The following CD72 variants were observed in gnomAD, a reference collection of about 807,000 sequenced individuals.
The protein encoded by CD72 is CD72 molecule, also known as B-cell differentiation antigen CD72.
A neutral mutation model predicts 50.7 loss-of-function variants in CD72; 28 were observed. That is an observed-to-expected ratio of 0.55 (90% CI 0.41 to 0.76). The LOEUF (loss-of-function observed/expected upper bound fraction) is 0.76. CD72 is among the 30% of genes least tolerant of loss of function. The probability of loss-of-function intolerance (pLI) is 0.00; values close to 1 mark genes in which losing one functional copy is unlikely to be tolerated. For synonymous variants in CD72, 176 were observed against 171.2 expected (o/e 1.03, Z -0.22); for missense variants, 403 against 420.6 (o/e 0.96, Z 0.37).
intron 1 of CD72, among the ~76,000 whole-genome samples, chr9:35,641,928 A>C (rs1380262070): frequency 6.6e-6 from 1 of 152,190 alleles, no homozygotes; most frequent in Non-Finnish European, 1.5e-5. Context: ...CTGCATGGGC[A>C]TGGAGGACTA....
intron 7 of CD72, 44 bp downstream of exon 7, chr9:35,611,760 G>A: frequency 1.0e-6 from 1 of 994,550 alleles, no homozygotes; most frequent in Non-Finnish European, 1.6e-6. Flanking sequence ...CTTTATGGAG[G>A]GGATTATGGA....
intron 2 of CD72, among the ~76,000 whole-genome samples, chr9:35,617,548 A>C (rs1823085291): frequency 6.6e-6 from 1 of 151,148 alleles, no homozygotes; most frequent in African/African-American, 2.4e-5. Context: ...CTTTGCTCTC[A>C]TCCATCTCCC....
chr9:35,618,728 G>T, upstream of CD72: 1 of 1,248,808 alleles, frequency 8.0e-7, no homozygotes, highest in Non-Finnish European at 1.0e-6. Context: ...ATGTGTAGCT[G>T]GAGCTGCACT....
rs549404695 is a variant in CD72, at chr9:35,631,916, A to T, written n.409-13795T>A. Among the ~76,000 whole-genome samples, 543 of 150,852 alleles carry T rather than the reference A, an allele frequency of 3.6e-3. 2 individuals carry two copies. Among genetic ancestry groups the T allele is most frequent in the African/African-American group, 0.012 (497 of 41,386 alleles). On this transcript the variant is annotated intron_variant and non_coding_transcript_variant, in intron 1 of 3. Transcript: ENST00000465754. Reference sequence around the variant, plus strand: ...CAAAATAAATAAATAAATAAATAAAAATAAATAAATGGCATAGAAATTATT... The same window carrying T: ...CAAAATAAATAAATAAATAAATAAATATAAATAAATGGCATAGAAATTATT...
intron 1 of CD72, among the ~76,000 whole-genome samples, chr9:35,635,243 C>G (rs1235266936): frequency 6.6e-6 from 1 of 152,160 alleles, no homozygotes; most frequent in Non-Finnish European, 1.5e-5. Flanking sequence ...ATCATTCTTT[C>G]TTCAGCTTAG....
chr9:35,639,118 T>C (rs1823316869), intron 1 of CD72, among the ~76,000 whole-genome samples: 2 of 151,880 alleles, frequency 1.3e-5, no homozygotes, highest in Middle Eastern at 3.4e-3. Context: ...CAACTACTCA[T>C]CCAGTAGGAA....
chr9:35,613,634 CTT>C (rs1823021354), intron 5 of CD72, among the ~76,000 whole-genome samples: 1 of 152,214 alleles, frequency 6.6e-6, no homozygotes, highest in South Asian at 2.1e-4. Flanking sequence ...AGCTCCCTCT[CTT>C]CTCTCTACAT....
chr9:35,611,905 G>A lies in CD72; in HGVS notation c.849C>T (p.Phe283=). The A allele has an allele frequency of 6.3e-7, 1 of 1,575,468 alleles. No homozygotes were observed. The highest frequency in any genetic ancestry group is 8.7e-7 in the Non-Finnish European group (1 of 1,144,826). The change falls in exon 7 of 9, where the codon TTC becomes TTT. Residue 283 remains phenylalanine (F), a synonymous_variant. Coordinates refer to ENST00000259633, the MANE Select transcript of CD72 (RefSeq NM_001782.3). Reference sequence around the variant, plus strand: ...CACCATTTGGCAACAGTGAATTTAAGAAGTAGTAAGAGTGCTGAGGGGAGA... The same window carrying A: ...CACCATTTGGCAACAGTGAATTTAAAAAGTAGTAAGAGTGCTGAGGGGAGA... The part of the protein sequence containing the change: ...EIYPQSHSYY[F]LNSLLPNGGS...
chr9:35,611,737 C>T, intron 7 of CD72, 67 bp downstream of exon 7: 2 of 867,404 alleles, frequency 2.3e-6, no homozygotes, highest in Non-Finnish European at 3.9e-6. Flanking sequence ...GGAAGGAAAT[C>T]TGATTACCAT....
At chr9:35,611,599 C>T (rs1822986142) in intron 7 of CD72, among the ~76,000 whole-genome samples, 1 of 152,138 alleles carries the variant, frequency 6.6e-6, no homozygotes, top group Non-Finnish European at 1.5e-5. Context: ...AAGTATGTGC[C>T]AGGGACTTCT....
At chr9:35,636,721 C>T (rs10972533) in intron 1 of CD72, among the ~76,000 whole-genome samples, 8,241 of 152,188 alleles carry the variant, frequency 0.054, 325 homozygotes, top group Middle Eastern at 0.11. Context: ...GAGGCCTAGG[C>T]GGGTGGATCA....
chr9:35,616,642 A>T lies in CD72; in HGVS notation c.310T>A (p.Cys104Ser). The T allele has an allele frequency of 6.2e-7, 1 of 1,614,008 alleles. No individual in the cohort carries two copies. The change falls in exon 4 of 9, where the codon TGC becomes AGC. Residue 104 changes from cysteine to serine, a missense_variant. By Grantham distance (112) the Cys-to-Ser change is moderately radical (BLOSUM62 -1). Coordinates refer to ENST00000259633, the MANE Select transcript of CD72 (RefSeq NM_001782.3). The part of the protein sequence containing the change: ...RYLLLGLLLT[C>S]LLLGVTAICL... ...ATGGCGGTCACTCCTAACAGCAGGCAGGTGAGGAGCAGGCCGAGCAGGAGG... is the reference window on the plus strand; with the variant it reads ...ATGGCGGTCACTCCTAACAGCAGGCTGGTGAGGAGCAGGCCGAGCAGGAGG...
intron 1 of CD72, chr9:35,643,653 A>T (rs979746891): frequency 5.9e-5 from 9 of 152,328 alleles, no homozygotes; most frequent in Admixed American, 2.6e-4. Flanking sequence ...AAAGGGAGTG[A>T]TGAGTAAGCT....
chr9:35,612,954 C>T lies in CD72; in HGVS notation c.728G>A (p.Ser243Asn), dbSNP rs772920257. The T allele has an allele frequency of 9.9e-6, 16 of 1,613,802 alleles. No individual in the cohort carries two copies. The East Asian group carries it at 3.6e-4, about 36-fold the overall frequency. The change falls in exon 6 of 9, where the codon AGC (serine) becomes AAC (asparagine). Residue 243 changes from serine to asparagine, a missense_variant. Physicochemically the swap from Ser to Asn is conservative, Grantham distance 46. Coordinates refer to ENST00000259633, the MANE Select transcript of CD72 (RefSeq NM_001782.3). ...TGAAGTAAGTGAGATGTAAAAGCAGCTTTTCTGATGCATTATCCATCCCGA... is the reference window on the plus strand; with the variant it reads ...TGAAGTAAGTGAGATGTAAAAGCAGTTTTTCTGATGCATTATCCATCCCGA... ...CPSGWIMHQK[S>N]CFYISLTSKN...
intron 3 of CD72, chr9:35,616,924 G>A: frequency 7.3e-7 from 1 of 1,365,438 alleles, no homozygotes; most frequent in South Asian, 1.5e-5. Context: ...CTGGGAGAAG[G>A]GGAAGGAAAT....
chr9:35,621,624 T>C (rs534065738), upstream of CD72, among the ~76,000 whole-genome samples: 1 of 152,324 alleles, frequency 6.6e-6, no homozygotes, highest in Non-Finnish European at 1.5e-5. Flanking sequence ...CAAGGTCCTT[T>C]AGATAGAGAG....
rs1161165121 is a variant in CD72, at chr9:35,611,838, C to A, written c.916G>T (p.Asp306Tyr). The part of the protein sequence containing the change: ...SYWTGLSSNK[D>Y]WKLTDDTQRT... ...TGTGTATCATCAGTCAACTTCCAAT[C>A]CTTGTTAGAGCTGAGGCCAGTCCAA... Residue 306 changes from aspartate (D) to tyrosine (Y), a missense_variant, in exon 7 of 9, where the codon GAT becomes TAT. Coordinates refer to ENST00000259633, the MANE Select transcript of CD72 (RefSeq NM_001782.3). 6.2e-7 allele frequency: 1 copy of A among 1,612,006 alleles called. No homozygotes were observed. The highest frequency in any genetic ancestry group is 1.3e-5 in the African/African-American group (1 of 74,866).
upstream of CD72, among the ~76,000 whole-genome samples, chr9:35,624,495 C>G (rs1461469548): frequency 6.6e-6 from 1 of 152,024 alleles, no homozygotes; most frequent in Non-Finnish European, 1.5e-5. Flanking sequence ...ACCTAGCGAT[C>G]GTGCCTGGCT....
At chr9:35,625,500 T>C (rs887976773) in intron 1 of CD72, among the ~76,000 whole-genome samples, 1 of 152,248 alleles carries the variant, frequency 6.6e-6, no homozygotes, top group African/African-American at 2.4e-5. Flanking sequence ...AAGCAGCAAG[T>C]GCTGATGTAG....
Sources: allele counts gnomAD v4.1 joint callset (sites outside exome capture counted in the v4.1 genomes callset), GRCh38; gene constraint gnomAD v4.1.1; transcripts MANE v1.5; gene names NCBI Gene and HGNC (gene_info 2026-07-23, HGNC 2026-07-21).